Variants in ZDHHC7 observed in about 807,000 individuals in gnomAD.
ZDHHC7 encodes zDHHC palmitoyltransferase 7.
ZDHHC7 carries 12 observed loss-of-function variants against 34.1 expected under a neutral mutation model. The observed-to-expected ratio is 0.35, with a 90% CI of 0.23 to 0.57. The LOEUF (loss-of-function observed/expected upper bound fraction) is 0.57. ZDHHC7 is among the 20% of genes least tolerant of loss of function. ZDHHC7 has a pLI of 0.84. For synonymous variants in ZDHHC7, 185 were observed against 155.4 expected (o/e 1.19, Z -1.42); for missense variants, 388 against 402.7 (o/e 0.96, Z 0.31).
chr16:84,989,180 C>T (rs1056585211), intron 3 of ZDHHC7, among the ~76,000 whole-genome samples: 4 of 152,318 alleles, frequency 2.6e-5, no homozygotes, highest in Non-Finnish European at 4.4e-5. Flanking sequence ...GCAGACTTTG[C>T]TTCCAAGTTT....
the ZDHHC7 span, among the ~76,000 whole-genome samples, chr16:85,023,525 G>A: frequency 6.6e-6 from 1 of 152,128 alleles, no homozygotes; most frequent in Non-Finnish European, 1.5e-5. Context: ...AGGAAAAATA[G>A]GCATGGTAGT....
At chr16:84,979,347 C>A in intron 4 of ZDHHC7, 62 bp from the exon 5 acceptor site, 1 of 1,555,600 alleles carries the variant, frequency 6.4e-7, no homozygotes, top group Non-Finnish European at 8.6e-7. Context: ...GTAACACAAC[C>A]AAATAAAATC....
intron 1 of ZDHHC7, 39 bp from the exon 2 acceptor site, chr16:84,996,046 T>C (rs913856947): frequency 3.3e-5 from 5 of 152,324 alleles, no homozygotes; most frequent in Admixed American, 3.3e-4. Flanking sequence ...AAGTGATTTA[T>C]TTTATGACAG....
the ZDHHC7 span, among the ~76,000 whole-genome samples, chr16:85,019,026 T>C: frequency 1.3e-5 from 2 of 152,176 alleles, no homozygotes; most frequent in African/African-American, 4.8e-5. Flanking sequence ...AGGTCTGGAA[T>C]TGGAGGTAGG....
Position 84,979,139 on chromosome 16 carries a change from A to G in ZDHHC7, c.537+50T>C, listed in dbSNP as rs771988608. The G allele has an allele frequency of 7.7e-6, 12 of 1,549,614 alleles. No homozygotes were observed. The South Asian group carries it at 8.4e-5, about 11-fold the overall frequency. ...TCTCTGCTCCAGGCAAGAAGCAGTT[A>G]AAGAATTTCAAATTCAATGTAAATT... On this transcript the variant is annotated intron_variant, in intron 5 of 7. Coordinates refer to ENST00000313732, the MANE Select transcript of ZDHHC7 (RefSeq NM_017740.3).
chr16:84,999,497 TTG>T (rs1164568418), intron 1 of ZDHHC7, among the ~76,000 whole-genome samples: 1 of 152,008 alleles, frequency 6.6e-6, no homozygotes, highest in African/African-American at 2.4e-5. Context: ...ATAACAAACA[TTG>T]GTGTATTCAT....
At chr16:85,004,412 C>G (rs1272135291) in intron 1 of ZDHHC7, among the ~76,000 whole-genome samples, 1 of 152,148 alleles carries the variant, frequency 6.6e-6, no homozygotes, top group Non-Finnish European at 1.5e-5. Flanking sequence ...TCTGCTCACC[C>G]AACAGTCCAG....
At chr16:85,000,634 A>C in intron 1 of ZDHHC7, among the ~76,000 whole-genome samples, 1 of 152,186 alleles carries the variant, frequency 6.6e-6, no homozygotes, top group East Asian at 1.9e-4. Flanking sequence ...CAGCCCCATA[A>C]AAAACGGAAT....
intron 1 of ZDHHC7, among the ~76,000 whole-genome samples, chr16:85,004,476 A>G (rs2072692516): frequency 6.6e-6 from 1 of 151,476 alleles, no homozygotes; most frequent in Non-Finnish European, 1.5e-5. Flanking sequence ...AGATCATGTC[A>G]CTCCCCTCCC....
chr16:84,994,437 G>A (rs564456065), intron 2 of ZDHHC7, among the ~76,000 whole-genome samples: 61 of 152,330 alleles, frequency 4.0e-4, no homozygotes, highest in African/African-American at 1.4e-3. Context: ...AGAAAAGGAA[G>A]GGTGCTTTCC....
At chr16:85,025,688 G>A in the ZDHHC7 span, among the ~76,000 whole-genome samples, 6 of 152,260 alleles carry the variant, frequency 3.9e-5, no homozygotes, top group East Asian at 1.9e-4. Flanking sequence ...GATTACAGGC[G>A]TCAGCCACCG....
intron 1 of ZDHHC7, among the ~76,000 whole-genome samples, chr16:85,009,836 G>C (rs1232493979): frequency 6.6e-6 from 1 of 151,230 alleles, no homozygotes; most frequent in Non-Finnish European, 1.5e-5. Context: ...AGCCTCCCGA[G>C]TAGCTGGGAC....
chr16:85,017,406 G>C, the ZDHHC7 span, among the ~76,000 whole-genome samples: 5 of 152,166 alleles, frequency 3.3e-5, no homozygotes, highest in Admixed American at 6.5e-5. Context: ...CACTGCTGGT[G>C]AGAGTGTAAT....
intron 2 of ZDHHC7, among the ~76,000 whole-genome samples, chr16:84,994,142 T>C (rs192677938): frequency 6.6e-6 from 1 of 152,328 alleles, no homozygotes; most frequent in Non-Finnish European, 1.5e-5. Context: ...CCTCCCGGCC[T>C]GATGTCAGCC....
chr16:85,006,530 A>G (rs1050360655), intron 1 of ZDHHC7, among the ~76,000 whole-genome samples: 8 of 151,756 alleles, frequency 5.3e-5, no homozygotes, highest in Non-Finnish European at 1.0e-4. Context: ...CCTGAGCAAC[A>G]TGGAGTTCAA....
chr16:85,004,055 T>A (rs1305623054), intron 1 of ZDHHC7, among the ~76,000 whole-genome samples: 1 of 152,042 alleles, frequency 6.6e-6, no homozygotes, highest in African/African-American at 2.4e-5. Flanking sequence ...TGGAAAACTC[T>A]CAGGCTGACG....
Position 84,976,090 on chromosome 16 carries a change from A to G in ZDHHC7, c.*253T>C, listed in dbSNP as rs1340707060. The stretch of plus-strand genomic sequence containing the variant: ...CCGAAGTATTCTCCACAGAAGCCCC[A>G]GCTCTGCAGGAGGCCACGGCGTTTG... On this transcript the variant is annotated 3_prime_UTR_variant, in exon 8 of 8. Coordinates refer to ENST00000313732, the MANE Select transcript of ZDHHC7 (RefSeq NM_017740.3). 2 of 514,214 alleles carry G rather than the reference A, an allele frequency of 3.9e-6. No individual in the cohort carries two copies. The highest frequency in any genetic ancestry group is 6.8e-6 in the Non-Finnish European group (2 of 293,790). 31.9% of individuals were successfully genotyped at this position (514,214 alleles called of 1,614,324 possible).
the ZDHHC7 span, among the ~76,000 whole-genome samples, chr16:85,021,104 T>TA: frequency 2.1e-5 from 3 of 140,296 alleles, no homozygotes; most frequent in African/African-American, 2.7e-5. Flanking sequence ...GACCCTCTCT[T>TA]AAAAAAAAAT....
At chr16:85,012,434 CAA>C (rs1415402788), upstream of ZDHHC7, among the ~76,000 whole-genome samples, 3 of 148,780 alleles carry the variant, frequency 2.0e-5, no homozygotes. Flanking sequence ...GACTCTCACA[CAA>C]ATATAAAATG....
Sources: allele counts gnomAD v4.1 joint callset (sites outside exome capture counted in the v4.1 genomes callset), GRCh38; gene constraint gnomAD v4.1.1; transcripts MANE v1.5; gene names NCBI Gene and HGNC (gene_info 2026-07-23, HGNC 2026-07-21).